Variants in SLTM observed in about 807,000 individuals in gnomAD.
SLTM encodes the protein SAFB-like transcription modulator.
A neutral mutation model predicts 134.6 loss-of-function variants in SLTM; 43 were observed. The observed-to-expected ratio is 0.32, with a 90% CI of 0.25 to 0.41. SLTM has a LOEUF of 0.41. Ranked by LOEUF, SLTM falls within the 10% of genes least tolerant of loss-of-function variation. The pLI, the probability that SLTM is intolerant of heterozygous loss-of-function variation, is 1.00. For missense variants in SLTM, 1,055 were observed against 1,288.8 expected (o/e 0.82, Z 2.78); for synonymous variants, 424 against 432.3 (o/e 0.98, Z 0.24).
intron 5 of SLTM, among the ~76,000 whole-genome samples, chr15:58,907,128 AAAAG>A (rs1489942620): frequency 6.6e-6 from 1 of 151,148 alleles, no homozygotes; most frequent in African/African-American, 2.4e-5. Flanking sequence ...AGCACTACAT[AAAAG>A]AGAGAGATGA....
chr15:58,911,696 T>C (rs1423401221), intron 5 of SLTM, among the ~76,000 whole-genome samples: 5 of 152,228 alleles, frequency 3.3e-5, no homozygotes, highest in Admixed American at 6.5e-5. Flanking sequence ...GATCTATAGA[T>C]GTCTGCTTAC....
chr15:58,886,574 C>T (rs780663206), intron 19 of SLTM, among the ~76,000 whole-genome samples: 5 of 152,042 alleles, frequency 3.3e-5, no homozygotes, highest in Non-Finnish European at 5.9e-5. Flanking sequence ...CCACCATGCC[C>T]GGCCAAGAAT....
intron 8 of SLTM, among the ~76,000 whole-genome samples, chr15:58,897,786 C>T (rs1039344109): frequency 6.6e-6 from 1 of 152,040 alleles, no homozygotes; most frequent in Admixed American, 6.6e-5. Flanking sequence ...AAGAAACAAT[C>T]TTCTAAAACA....
At chr15:58,885,953 G>A (rs562323832) in intron 19 of SLTM, among the ~76,000 whole-genome samples, 56 of 152,112 alleles carry the variant, frequency 3.7e-4, no homozygotes, top group Non-Finnish European at 5.9e-4. Context: ...CAACCCACAC[G>A]CCAGTATTTC....
chr15:58,925,307 A>G (rs752352158), intron 2 of SLTM, among the ~76,000 whole-genome samples: 22 of 152,250 alleles, frequency 1.4e-4, no homozygotes, highest in African/African-American at 2.9e-4. Flanking sequence ...ATTGTCTTAA[A>G]CACAACAGTC....
rs574942383 is a variant in SLTM, at chr15:58,903,611, A to G, written c.562-2324T>C. 9.5e-4 allele frequency among the ~76,000 whole-genome samples: 145 copies of G among 152,232 alleles called. 1 individual carries two copies. Among genetic ancestry groups the G allele is most frequent in the South Asian group, 3.7e-3 (18 of 4,822 alleles). On this transcript the variant is annotated intron_variant, in intron 5 of 20. Coordinates refer to ENST00000380516, the MANE Select transcript of SLTM (RefSeq NM_024755.4). ...TAAATGATGAGTTAACGGGTGCAGC[A>G]CACCAACATGGCACATGTATACATA...
At chr15:58,915,019 C>T (rs529512074) in intron 3 of SLTM, among the ~76,000 whole-genome samples, 1 of 152,212 alleles carries the variant, frequency 6.6e-6, no homozygotes, top group East Asian at 1.9e-4. Flanking sequence ...TGGTGAAACC[C>T]CGTCTCTACT....
intron 5 of SLTM, among the ~76,000 whole-genome samples, chr15:58,911,067 G>A (rs1469431349): frequency 2.0e-5 from 3 of 152,036 alleles, no homozygotes; most frequent in Non-Finnish European, 4.4e-5. Context: ...TTATCACTAG[G>A]AAATCAATGT....
In SLTM at chr15:58,899,407, T is replaced by G. The variant is rs759289355; in HGVS notation, c.1058+62A>C. 7.4e-7 allele frequency: 1 copy of G among 1,342,844 alleles called. No homozygotes were observed. Among genetic ancestry groups the G allele is most frequent in the Non-Finnish European group, 1.1e-6 (1 of 942,296 alleles). 83.2% of individuals were successfully genotyped at this position (1,342,844 alleles called of 1,614,324 possible). A position where few individuals can be genotyped will look rare whatever the true frequency, so the allele number is the denominator to read the frequency against. Reference sequence around the variant, plus strand: ...TGTTCTTGAAGCCACCCCCTTAATGTAGAGTGATCTTATTGAATGCTGGAA... The same window carrying G: ...TGTTCTTGAAGCCACCCCCTTAATGGAGAGTGATCTTATTGAATGCTGGAA... On this transcript the variant is annotated intron_variant, in intron 7 of 20. Coordinates refer to ENST00000380516, the MANE Select transcript of SLTM (RefSeq NM_024755.4). This position sits in a 1 kb window ranked among gnomAD's most constrained non-coding sequence, Gnocchi z 5.0.
At position 58,899,972 on chromosome 15, in the gene SLTM, C is replaced by G; in HGVS notation, c.590-35G>C. ...TTTAACAGGAATAAATATGGCAAAA[C>G]AAGAAGTTTAAACAATTTCATATTC... On this transcript the variant is annotated intron_variant, in intron 6 of 20. Transcript: ENST00000380516. The surrounding 1 kb of genome is among the most constrained non-coding windows in gnomAD (Gnocchi z 5.0). 6.7e-7 allele frequency: 1 copy of G among 1,492,056 alleles called. No individual in the cohort carries two copies. The highest frequency in any genetic ancestry group is 2.4e-5 in the East Asian group (1 of 42,162). 92.4% of individuals were successfully genotyped at this position (1,492,056 alleles called of 1,614,324 possible).
intron 3 of SLTM, among the ~76,000 whole-genome samples, chr15:58,915,981 A>T (rs567809110): frequency 9.9e-5 from 15 of 152,196 alleles, no homozygotes; most frequent in African/African-American, 1.9e-4. Context: ...AAAAAAAATT[A>T]AAAAACCCTA....
Position 58,892,970 on chromosome 15 carries a change from T to C in SLTM, c.1825A>G (p.Lys609Glu). 1 of 1,613,886 alleles carries C rather than the reference T, an allele frequency of 6.2e-7. No individual in the cohort carries two copies. The stretch of plus-strand genomic sequence containing the variant: ...TCTCTCAACCTTTGTTCCTTCATCT[T>C]TTCAAAAGGCAAGATCTCTTTCCTT... ...YRRKEILPFEKMKEQRLREHL... is the reference protein window; with the variant it reads ...YRRKEILPFEEMKEQRLREHL... Residue 609 changes from lysine (K) to glutamate (E), a missense_variant, in exon 14 of 21, where the codon AAG becomes GAG. Lys to Glu is a moderately conservative substitution (Grantham distance 56). Around this residue, in one of 3 missense-constraint regions of SLTM, gnomAD observed 776 missense variants for 962.2 expected, o/e 0.81. Transcript: ENST00000380516.
chr15:58,933,332 G>A, intron 1 of SLTM, 72 bp downstream of exon 1: 1 of 1,466,174 alleles, frequency 6.8e-7, no homozygotes, highest in South Asian at 1.3e-5. Flanking sequence ...CGGAGGCTGC[G>A]GCGGAAGCGG....
Position 58,913,684 on chromosome 15 carries a change from C to T in SLTM, c.328G>A (p.Glu110Lys), listed in dbSNP as rs1450615133. 5.0e-6 allele frequency: 8 copies of T among 1,613,312 alleles called. No individual in the cohort carries two copies. ...DDAFIKDCEL[E>K]NQEAHEQDGN... ...TCTTGCTCATGTGCCTCTTGATTCTCCAATTCACAGTCCTTTTAATGGTAA... is the reference window on the plus strand; with the variant it reads ...TCTTGCTCATGTGCCTCTTGATTCTTCAATTCACAGTCCTTTTAATGGTAA... Residue 110 changes from glutamate to lysine, a missense_variant, in exon 4 of 21, where the codon GAG (glutamate) becomes AAG (lysine). Around this residue, in one of 3 missense-constraint regions of SLTM, gnomAD observed 268 missense variants for 284.3 expected, o/e 0.94. Transcript: ENST00000380516.
intron 19 of SLTM, among the ~76,000 whole-genome samples, chr15:58,885,403 T>C (rs1333458007): frequency 6.6e-6 from 1 of 152,180 alleles, no homozygotes; most frequent in Non-Finnish European, 1.5e-5. Context: ...AGGACACATT[T>C]TCTAAAAGGA....
At chr15:58,932,940 C>T (rs977317512) in intron 1 of SLTM, among the ~76,000 whole-genome samples, 1 of 152,224 alleles carries the variant, frequency 6.6e-6, no homozygotes, top group Non-Finnish European at 1.5e-5. Context: ...CTCCCACTAC[C>T]AATTCCCCCT....
chr15:58,892,771 A>G, intron 14 of SLTM, 126 bp downstream of exon 14: 1 of 931,808 alleles, frequency 1.1e-6, no homozygotes, highest in Non-Finnish European at 1.7e-6. Context: ...ATTAGATGCT[A>G]CCGTAACTTC....
Position 58,879,890 on chromosome 15 carries a change from A to T in SLTM, c.*109T>A, listed in dbSNP as rs1215425326. ...ATCATGTTAAATTTTTAAAAAGAAA[A>T]GTCTGACAGAACTCTCAAGCAAGTC... On this transcript the variant is annotated 3_prime_UTR_variant, in exon 21 of 21. Transcript: ENST00000380516. 6 of 1,306,102 alleles carry T rather than the reference A, an allele frequency of 4.6e-6. No individual in the cohort carries two copies. In the African/African-American group the frequency reaches 5.9e-5, roughly 13 times the overall value. 80.9% of individuals were successfully genotyped at this position (1,306,102 alleles called of 1,614,324 possible).
In SLTM at chr15:58,930,137, G is replaced by A. The variant is rs570889353; in HGVS notation, c.250+2219C>T. Among the ~76,000 whole-genome samples the A allele has an allele frequency of 2.4e-3, 368 of 151,104 alleles. 2 individuals are homozygous for A. Among genetic ancestry groups the A allele is most frequent in the Admixed American group, 4.5e-3 (68 of 15,196 alleles). On this transcript the variant is annotated intron_variant, in intron 2 of 20. Transcript: ENST00000380516. Reference sequence around the variant, plus strand: ...ATGTTACAACTTCTTTTTTTTTTGAGATGGGGTCTCATGCTGGACTGCAGT... The same window carrying A: ...ATGTTACAACTTCTTTTTTTTTTGAAATGGGGTCTCATGCTGGACTGCAGT...
Sources: gnomAD v4.1 joint callset for allele counts (sites outside exome capture counted in the v4.1 genomes callset) on GRCh38, gnomAD v4.1.1 for gene constraint, gnomAD v4.1.1 regional missense constraint, Gnocchi (gnomAD v3.1) non-coding constraint, MANE v1.5 for transcripts, NCBI Gene and HGNC (gene_info 2026-07-23, HGNC 2026-07-21) for gene names.